The following ANKLE2 variants were observed in gnomAD, a reference collection of about 807,000 sequenced individuals.
The protein encoded by ANKLE2 is ankyrin repeat and LEM domain-containing protein 2.
Under a neutral mutation model 84.2 loss-of-function variants are expected in ANKLE2, and 55 were observed. The ratio of observed to expected loss-of-function variants is 0.65; its 90% CI spans 0.53 to 0.82. The LOEUF is 0.82. Ranked by LOEUF, ANKLE2 falls within the 40% of genes least tolerant of loss-of-function variation. The probability of loss-of-function intolerance (pLI) is 0.00; values close to 1 mark genes in which losing one functional copy is unlikely to be tolerated. For synonymous variants in ANKLE2, 551 were observed against 486.1 expected, an observed-to-expected ratio of 1.13 and a Z score of -1.76; for missense variants, 1,238 against 1,201.9, an observed-to-expected ratio of 1.03 and a Z score of -0.44.
intron 7 of ANKLE2, chr12:132,738,319 G>C (rs771682326): frequency 3.9e-5 from 6 of 152,280 alleles, no homozygotes; most frequent in Non-Finnish European, 8.8e-5. Flanking sequence ...GAAGAGTAGT[G>C]TCTTCAGGTC....
intron 2 of ANKLE2, among the ~76,000 whole-genome samples, chr12:132,754,241 C>T (rs1452874383): frequency 6.6e-6 from 1 of 151,934 alleles, no homozygotes; most frequent in Non-Finnish European, 1.5e-5. Context: ...GACTTTGTCT[C>T]AAAAAATAAA....
chr12:132,740,181 C>T (rs2044092386), intron 7 of ANKLE2, among the ~76,000 whole-genome samples: 1 of 152,232 alleles, frequency 6.6e-6, no homozygotes. Context: ...TGGGCCTCTG[C>T]AGCGACGCCT....
At chr12:132,757,047 AAGTG>A (rs1397040828) in intron 1 of ANKLE2, 7 of 152,272 alleles carry the variant, frequency 4.6e-5, no homozygotes, top group Admixed American at 2.6e-4. Flanking sequence ...ACTGTATTAC[AAGTG>A]AGTAACACAG....
At position 132,761,627 on chromosome 12, in the gene ANKLE2, G is replaced by C. The variant is rs906338829; in HGVS notation, c.172C>G (p.Pro58Ala). ...PVPPPSAAAA[P>A]ASGEMTMDAL... ...ACCGCCTGGGCCTTACCTGAGGCGG[G>C]GGCGGCGGCCGCGCTTGGCGGAGGA... is the stretch of plus-strand genomic sequence containing the variant. The change falls in exon 1 of 13, where the codon CCC (proline) becomes GCC (alanine). Residue 58 changes from proline (P) to alanine (A), a missense_variant. Transcript: ENST00000357997. 1.6e-6 allele frequency: 2 copies of C among 1,258,086 alleles called. No homozygotes were observed. Among genetic ancestry groups the C allele is most frequent in the Middle Eastern group, 3.1e-4 (1 of 3,226 alleles). 77.9% of individuals were successfully genotyped at this position (1,258,086 alleles called of 1,614,324 possible).
intron 2 of ANKLE2, among the ~76,000 whole-genome samples, chr12:132,753,032 A>C (rs1176978701): frequency 6.6e-6 from 1 of 151,592 alleles, no homozygotes; most frequent in African/African-American, 2.4e-5. Flanking sequence ...AGGTGTGGCC[A>C]GGCGAGGTGG....
chr12:132,752,127 C>A (rs1020990411), intron 2 of ANKLE2, among the ~76,000 whole-genome samples: 1 of 151,684 alleles, frequency 6.6e-6, no homozygotes, highest in Admixed American at 6.6e-5. Flanking sequence ...GATCACCTGA[C>A]GTTGAGAGTT....
Position 132,726,755 on chromosome 12 carries a change from T to G in ANKLE2, c.*487A>C, listed in dbSNP as rs2043706601. On this transcript the variant is annotated 3_prime_UTR_variant, in exon 13 of 13. Coordinates refer to ENST00000357997, the MANE Select transcript of ANKLE2 (RefSeq NM_015114.3). ...CCCACGGGCGAACCAACAGGCACTC[T>G]GCCACCATCAGATGCCACCCCCCAA... is the stretch of plus-strand genomic sequence containing the variant. The G allele has an allele frequency of 6.5e-6, 1 of 153,650 alleles. No homozygotes were observed. The highest frequency in any genetic ancestry group is 2.1e-4 in the South Asian group (1 of 4,852). The allele number at this position is 153,650 out of a possible 1,614,324, so 9.5% of individuals were successfully genotyped here.
intron 3 of ANKLE2, among the ~76,000 whole-genome samples, chr12:132,749,930 A>C (rs1451967946): frequency 2.6e-5 from 4 of 152,180 alleles, no homozygotes; most frequent in Non-Finnish European, 5.9e-5. Flanking sequence ...GCACTTTGGG[A>C]GGCTGAGATG....
chr12:132,743,749 C>G lies in ANKLE2; in HGVS notation c.1231-473G>C, dbSNP rs1462367807. Among the ~76,000 whole-genome samples the G allele has an allele frequency of 2.0e-5, 3 of 152,166 alleles. No individual in the cohort carries two copies. Among genetic ancestry groups the G allele is most frequent in the Admixed American group, 6.5e-5 (1 of 15,276 alleles). On this transcript the variant is annotated intron_variant, in intron 5 of 12. Coordinates refer to ENST00000357997, the MANE Select transcript of ANKLE2 (RefSeq NM_015114.3). The surrounding 1 kb of genome is among the most constrained non-coding windows in gnomAD (Gnocchi z 4.1). ...TTGGCATTCTAGCACATACCCACTTCGTGCCAAGGCTTGAGCTTAGCATAC... is the reference window on the plus strand; with the variant it reads ...TTGGCATTCTAGCACATACCCACTTGGTGCCAAGGCTTGAGCTTAGCATAC...
chr12:132,755,086 G>C lies in ANKLE2; in HGVS notation c.229C>G (p.Pro77Ala). The change falls in exon 2 of 13, where the codon CCA (proline) becomes GCA (alanine). Residue 77 changes from proline to alanine, a missense_variant. By Grantham distance (27) the Pro-to-Ala change is conservative. Transcript: ENST00000357997. ...ALLARLKLLN[P>A]DDLREEIVKA... is the part of the protein sequence containing the mutation. ...ACGATTTCTTCTCTAAGGTCATCTGGATTCAGAAGTTTCAATCGAGCCAAC... is the reference window on the plus strand; with the variant it reads ...ACGATTTCTTCTCTAAGGTCATCTGCATTCAGAAGTTTCAATCGAGCCAAC... 2.5e-6 allele frequency: 4 copies of C among 1,612,546 alleles called. No individual in the cohort carries two copies. Among genetic ancestry groups the C allele is most frequent in the Non-Finnish European group, 3.4e-6 (4 of 1,179,880 alleles).
At position 132,741,486 on chromosome 12, in the gene ANKLE2, C is replaced by G. The variant is rs1350693252; in HGVS notation, c.1354-1G>C. 3 of 1,613,602 alleles carry G rather than the reference C, an allele frequency of 1.9e-6. No individual in the cohort carries two copies. Among genetic ancestry groups the G allele is most frequent in the Non-Finnish European group, 2.5e-6 (3 of 1,179,816 alleles). On this transcript the variant is annotated splice_acceptor_variant, in intron 6 of 12. Transcript: ENST00000357997. LOFTEE classifies it high-confidence loss of function. ...TATTTTTGCTTCTTTCACAAATTAC[C>G]TATTGGAAAAAAAAGTGTGTCTAAA... is the stretch of plus-strand genomic sequence containing the variant.
intron 5 of ANKLE2, among the ~76,000 whole-genome samples, chr12:132,744,803 C>A (rs2044201159): frequency 6.6e-6 from 1 of 152,178 alleles, no homozygotes; most frequent in African/African-American, 2.4e-5. Flanking sequence ...GCCTCAGCCT[C>A]CCCAGCAGCT....
rs772853419 is a variant in ANKLE2 at position 132,730,173 on chromosome 12, C to A, written c.1989G>T (p.Pro663=). The A allele has an allele frequency of 2.5e-6, 4 of 1,608,504 alleles. No individual in the cohort carries two copies. In the African/African-American group the frequency reaches 4.0e-5, roughly 16 times the overall value. The change falls in exon 11 of 13, where the codon CCG becomes CCT. Residue 663 remains proline (P), a synonymous_variant. Coordinates refer to ENST00000357997, the MANE Select transcript of ANKLE2 (RefSeq NM_015114.3). Reference sequence around the variant, plus strand: ...TATGTCCAAAAGCACCGACTGTGGGCGGGCTGTTATTTCGAGCTGCATTTT... The same window carrying A: ...TATGTCCAAAAGCACCGACTGTGGGAGGGCTGTTATTTCGAGCTGCATTTT... The part of the protein sequence containing the change: ...NRQNAARNNS[P]PTVGAFGHTR...
At position 132,725,745 on chromosome 12, in the gene ANKLE2, G is replaced by C. The variant is rs964731524; in HGVS notation, c.*1497C>G. 6.6e-6 allele frequency: 1 copy of C among 152,240 alleles called. No homozygotes were observed. Among genetic ancestry groups the C allele is most frequent in the Non-Finnish European group, 1.5e-5 (1 of 68,048 alleles). The allele number at this position is 152,240 out of a possible 1,614,324, so 9.4% of individuals were successfully genotyped here. A position where few individuals can be genotyped will look rare whatever the true frequency, so the allele number is the denominator to read the frequency against. The stretch of plus-strand genomic sequence containing the variant: ...ATATGGTAAGATTTTAGAGAAAACA[G>C]ATCATCACTACGAATATCCATATTC... On this transcript the variant is annotated 3_prime_UTR_variant, in exon 13 of 13. Transcript: ENST00000357997.
intron 3 of ANKLE2, among the ~76,000 whole-genome samples, chr12:132,749,575 T>C (rs972930379): frequency 6.6e-6 from 1 of 152,244 alleles, no homozygotes; most frequent in Non-Finnish European, 1.5e-5. Context: ...TAAGGCTGAC[T>C]GAGGGCAGGC....
At chr12:132,747,684 G>T (rs1566029227) in intron 5 of ANKLE2, 148 bp downstream of exon 5, 2 of 1,025,996 alleles carry the variant, frequency 1.9e-6, no homozygotes, top group Non-Finnish European at 2.7e-6. Context: ...GTGGGATGTG[G>T]TAAGAAGGCA....
intron 10 of ANKLE2, chr12:132,730,642 C>T (rs1393047123): frequency 1.2e-5 from 3 of 240,474 alleles, no homozygotes; most frequent in Admixed American, 4.9e-5. Flanking sequence ...GGCAACATAG[C>T]GAAACCCCGT....
chr12:132,737,779 A>G (rs1409642920), intron 7 of ANKLE2: 1 of 152,122 alleles, frequency 6.6e-6, no homozygotes, highest in Non-Finnish European at 1.5e-5. Flanking sequence ...AGTTTCAGAC[A>G]GAGTCTCATT....
Position 132,729,782 on chromosome 12 carries a change from T to G in ANKLE2, c.2380A>C (p.Met794Leu), listed in dbSNP as rs749265166. The change falls in exon 11 of 13, where the codon ATG (methionine) becomes CTG (leucine). Residue 794 changes from methionine to leucine, a missense_variant. Physicochemically the swap from Met to Leu is conservative, Grantham distance 15 (BLOSUM62 2). This residue lies in a region of ANKLE2 where 802 missense variants were observed against 774.5 expected (regional missense o/e 1.04). Transcript: ENST00000357997. Reference protein sequence around the residue: ...GNGHRRTESEMSARIAKMSLS... With the variant: ...GNGHRRTESELSARIAKMSLS... Reference sequence around the variant, plus strand: ...GACATTTTAGCGATCCTGGCTGACATTTCACTTTCTGTCCTCCTGTGGCCA... The same window carrying G: ...GACATTTTAGCGATCCTGGCTGACAGTTCACTTTCTGTCCTCCTGTGGCCA... 3.1e-6 allele frequency: 5 copies of G among 1,612,600 alleles called. No individual in the cohort carries two copies. The highest frequency in any genetic ancestry group is 4.2e-6 in the Non-Finnish European group (5 of 1,179,736).
Sources: gnomAD v4.1 joint callset for allele counts (sites outside exome capture counted in the v4.1 genomes callset) on GRCh38, gnomAD v4.1.1 for gene constraint, gnomAD v4.1.1 regional missense constraint, Gnocchi (gnomAD v3.1) non-coding constraint, MANE v1.5 for transcripts, NCBI Gene and HGNC (gene_info 2026-07-23, HGNC 2026-07-21) for gene names.